The following ZFAND3 variants were observed in gnomAD, a reference collection of about 807,000 sequenced individuals.
ZFAND3 encodes AN1-type zinc finger protein 3.
A neutral mutation model predicts 29.6 loss-of-function variants in ZFAND3; 10 were observed. The observed-to-expected ratio is 0.34, with a 90% confidence interval of 0.21 to 0.57. The LOEUF (loss-of-function observed/expected upper bound fraction) is 0.57, where lower values mean the gene tolerates loss of function less well. Among genes scored for constraint, ZFAND3 ranks in the 20% least tolerant of loss-of-function variants. The pLI is 0.86. For missense variants in ZFAND3, 230 were observed against 304.5 expected (o/e 0.76, Z 1.82); for synonymous variants, 128 against 112.6 (o/e 1.14, Z -0.87).
At chr6:37,910,584 TATCATTTTTGGGGGGTGGG>T (rs1332504884) in intron 1 of ZFAND3, among the ~76,000 whole-genome samples, 71 of 152,340 alleles carry the variant, frequency 4.7e-4, no homozygotes, top group African/African-American at 1.6e-3. Context: ...CTCACACACC[TATCATTTTTGGGGGGTGGG>T]AACATTTAAA....
intron 1 of ZFAND3, among the ~76,000 whole-genome samples, chr6:37,895,517 CTT>C (rs70977701): frequency 5.7e-5 from 3 of 52,762 alleles, no homozygotes; most frequent in Non-Finnish European, 9.6e-5. Context: ...TTTGAATTTT[CTT>C]TTTTTTTTTT....
At chr6:37,923,919 A>G (rs1306324962) in intron 1 of ZFAND3, among the ~76,000 whole-genome samples, 1 of 152,234 alleles carries the variant, frequency 6.6e-6, no homozygotes, top group Non-Finnish European at 1.5e-5. Context: ...TGAATTATAG[A>G]TATCTATCTA....
intron 2 of ZFAND3, among the ~76,000 whole-genome samples, chr6:37,964,804 G>A (rs1296182414): frequency 6.6e-6 from 1 of 152,060 alleles, no homozygotes; most frequent in African/African-American, 2.4e-5. Flanking sequence ...GTGATTAAGG[G>A]CTTAAGTTCA....
chr6:38,081,771 C>T (rs1764666379), intron 3 of ZFAND3, among the ~76,000 whole-genome samples: 1 of 152,060 alleles, frequency 6.6e-6, no homozygotes, highest in South Asian at 2.1e-4. Context: ...TTGAATTATG[C>T]TTATGCATCA....
intron 1 of ZFAND3, among the ~76,000 whole-genome samples, chr6:37,852,826 A>ATG (rs1223386952): frequency 1.3e-5 from 2 of 150,626 alleles, no homozygotes; most frequent in Non-Finnish European, 3.0e-5. Flanking sequence ...AGCAGTTCTC[A>ATG]TGCCTCAGCC....
At chr6:38,011,307 TACAC>T (rs926355321) in intron 2 of ZFAND3, among the ~76,000 whole-genome samples, 2 of 152,246 alleles carry the variant, frequency 1.3e-5, no homozygotes, top group African/African-American at 4.8e-5. Flanking sequence ...CTTGCATAAA[TACAC>T]ACAGTAGAAT....
At chr6:37,862,656 A>G (rs1581716920) in intron 1 of ZFAND3, among the ~76,000 whole-genome samples, 2 of 152,028 alleles carry the variant, frequency 1.3e-5, no homozygotes, top group African/African-American at 4.8e-5. Flanking sequence ...ATGAGCTGTG[A>G]TCGTGCCACA....
intron 1 of ZFAND3, among the ~76,000 whole-genome samples, chr6:37,921,226 G>A (rs1761371658): frequency 6.6e-6 from 1 of 152,084 alleles, no homozygotes; most frequent in Non-Finnish European, 1.5e-5. Context: ...TTAGAAATGT[G>A]ACAGTTTTTA....
At chr6:38,018,395 CAT>C (rs1192720143) in intron 2 of ZFAND3, among the ~76,000 whole-genome samples, 1 of 152,106 alleles carries the variant, frequency 6.6e-6, no homozygotes, top group Non-Finnish European at 1.5e-5. Context: ...ATTTTCAAAA[CAT>C]ATAACGTTTT....
chr6:37,932,201 G>A (rs1156892036), intron 2 of ZFAND3, among the ~76,000 whole-genome samples: 4 of 151,888 alleles, frequency 2.6e-5, no homozygotes, highest in Non-Finnish European at 4.4e-5. Flanking sequence ...CCTAGGAGGC[G>A]GAGTTTGCAG....
intron 2 of ZFAND3, among the ~76,000 whole-genome samples, chr6:38,032,030 G>A (rs1052392359): frequency 1.1e-4 from 16 of 151,844 alleles, no homozygotes; most frequent in Non-Finnish European, 8.8e-5. Flanking sequence ...TGAGGTCTGG[G>A]TCATGTTACC....
intron 1 of ZFAND3, among the ~76,000 whole-genome samples, chr6:37,826,887 C>T (rs1763769922): frequency 6.6e-6 from 1 of 152,190 alleles, no homozygotes; most frequent in African/African-American, 2.4e-5. Context: ...TTCTCAGTCA[C>T]AGTAGCTACT....
chr6:38,085,382 A>G (rs1764736999), intron 4 of ZFAND3, among the ~76,000 whole-genome samples: 1 of 152,154 alleles, frequency 6.6e-6, no homozygotes, highest in African/African-American at 2.4e-5. Flanking sequence ...GGTTGGACCT[A>G]AAGCAGCCTT....
At chr6:38,146,192 AAGG>A (rs1766103887) in intron 5 of ZFAND3, among the ~76,000 whole-genome samples, 1 of 152,142 alleles carries the variant, frequency 6.6e-6, no homozygotes, top group South Asian at 2.1e-4. Context: ...TGCTCACTTG[AAGG>A]AGATCTTCTC....
intron 1 of ZFAND3, among the ~76,000 whole-genome samples, chr6:37,855,145 ATTTTT>A (rs1181032862): frequency 7.5e-6 from 1 of 133,000 alleles, no homozygotes. Context: ...TGGCAATTTA[ATTTTT>A]TTTTTTTTTT....
intron 2 of ZFAND3, among the ~76,000 whole-genome samples, chr6:37,974,222 C>A (rs1434957123): frequency 6.6e-6 from 1 of 152,074 alleles, no homozygotes; most frequent in Non-Finnish European, 1.5e-5. Context: ...GCCATGACAC[C>A]TGGCTAATTT....
chr6:37,964,517 C>T (rs1189672513), intron 2 of ZFAND3, among the ~76,000 whole-genome samples: 3 of 152,160 alleles, frequency 2.0e-5, no homozygotes, highest in African/African-American at 7.2e-5. Flanking sequence ...ACTGCACAGC[C>T]CCTTAGAGAC....
At chr6:38,129,577 G>A in intron 5 of ZFAND3, among the ~76,000 whole-genome samples, 1 of 152,058 alleles carries the variant, frequency 6.6e-6, no homozygotes, top group East Asian at 1.9e-4. Context: ...TGTTGAAAAG[G>A]GTGTCCTTTC....
At chr6:37,934,097 A>G (rs757225188) in intron 2 of ZFAND3, among the ~76,000 whole-genome samples, 1 of 151,866 alleles carries the variant, frequency 6.6e-6, no homozygotes. Flanking sequence ...CATGTTGGTC[A>G]CAGTGGCCTT....
Sources: gnomAD v4.1 joint callset for allele counts (sites outside exome capture counted in the v4.1 genomes callset) on GRCh38, gnomAD v4.1.1 for gene constraint, MANE v1.5 for transcripts, NCBI Gene and HGNC (gene_info 2026-07-23, HGNC 2026-07-21) for gene names.